Variants in POU2F1 observed in about 807,000 individuals in gnomAD.
POU2F1 encodes POU class 2 homeobox 1.
POU2F1 carries 16 observed loss-of-function variants against 84.9 expected under a neutral mutation model. That is an observed-to-expected ratio of 0.19 (90% CI 0.13 to 0.29). The LOEUF (loss-of-function observed/expected upper bound fraction) is 0.29, where lower values mean the gene tolerates loss of function less well. Among genes scored for constraint, POU2F1 ranks in the 10% least tolerant of loss-of-function variants. The pLI is 1.00. For synonymous variants in POU2F1, 368 were observed against 368.3 expected, an observed-to-expected ratio of 1.00 and a Z score of 0.01; for missense variants, 738 against 942.6, an observed-to-expected ratio of 0.78 and a Z score of 2.84.
At chr1:167,371,017 T>C (rs996353361) in intron 4 of POU2F1, among the ~76,000 whole-genome samples, 1 of 152,220 alleles carries the variant, frequency 6.6e-6, no homozygotes, top group African/African-American at 2.4e-5. Flanking sequence ...TCAGTGTTGC[T>C]AATGACTAAA....
intron 8 of POU2F1, among the ~76,000 whole-genome samples, chr1:167,384,725 AAAG>A (rs1007757091): frequency 1.5e-4 from 23 of 152,188 alleles, no homozygotes; most frequent in African/African-American, 5.3e-4. Flanking sequence ...AAGAAAAAAA[AAAG>A]AAAAGAAAAA....
At chr1:167,288,968 A>G (rs530256490) in intron 1 of POU2F1, among the ~76,000 whole-genome samples, 1 of 152,366 alleles carries the variant, frequency 6.6e-6, no homozygotes, top group East Asian at 1.9e-4. Context: ...TTAAATGGCC[A>G]AGAACATCAC....
chr1:167,239,838 C>CA (rs1175877932), intron 1 of POU2F1, among the ~76,000 whole-genome samples: 1 of 151,200 alleles, frequency 6.6e-6, no homozygotes, highest in Admixed American at 6.6e-5. Context: ...ACACCGTACA[C>CA]AAAAAAGAAT....
At chr1:167,243,534 G>C (rs1650070859) in intron 1 of POU2F1, among the ~76,000 whole-genome samples, 4 of 152,004 alleles carry the variant, frequency 2.6e-5, no homozygotes, top group Non-Finnish European at 5.9e-5. Flanking sequence ...GGAGTGCAGT[G>C]GCGTGATCTT....
intron 1 of POU2F1, among the ~76,000 whole-genome samples, chr1:167,297,949 G>A (rs1016750137): frequency 4.0e-5 from 6 of 151,626 alleles, no homozygotes; most frequent in East Asian, 3.9e-4. Context: ...GTGAAACCCC[G>A]TCTCTACTAA....
chr1:167,381,864 C>T (rs1198185958), intron 7 of POU2F1, among the ~76,000 whole-genome samples: 1 of 152,012 alleles, frequency 6.6e-6, no homozygotes, highest in East Asian at 1.9e-4. Flanking sequence ...CCTGCCTCGG[C>T]CTCCCAAAGT....
intron 1 of POU2F1, among the ~76,000 whole-genome samples, chr1:167,285,279 A>G (rs1415065696): frequency 1.3e-5 from 2 of 152,224 alleles, no homozygotes; most frequent in African/African-American, 4.8e-5. Flanking sequence ...TTACCCGGTA[A>G]AAAATGGCGA....
intron 2 of POU2F1, among the ~76,000 whole-genome samples, chr1:167,337,241 A>T (rs1262324557): frequency 6.6e-6 from 1 of 150,802 alleles, no homozygotes; most frequent in Non-Finnish European, 1.5e-5. Context: ...TGGAAGAATC[A>T]CCTGAGCTTG....
At chr1:167,407,134 A>G (rs1280660789) in intron 13 of POU2F1, among the ~76,000 whole-genome samples, 1 of 152,036 alleles carries the variant, frequency 6.6e-6, no homozygotes, top group Admixed American at 6.6e-5. Flanking sequence ...AGGCTCAAGC[A>G]GTCCTCCCAC....
chr1:167,362,593 C>T (rs1441458905), intron 2 of POU2F1, among the ~76,000 whole-genome samples: 2 of 152,186 alleles, frequency 1.3e-5, no homozygotes, highest in African/African-American at 4.8e-5. Context: ...CTGGTTGCAG[C>T]CTCGAGCTCC....
chr1:167,412,165 A>G lies in POU2F1; in HGVS notation c.1762A>G (p.Thr588Ala). ...TCTTGGGACCAGCCAGGTGATGGTG[A>G]CAGCATCAGGTTTGCAAACAGCAGC... is the stretch of plus-strand genomic sequence containing the variant. ...SPLGTSQVMV[T>A]ASGLQTAAAA... The change falls in exon 14 of 16, where the codon ACA (threonine) becomes GCA (alanine). Residue 588 changes from threonine (T) to alanine (A), a missense_variant. Transcript: ENST00000367866. 6.2e-7 allele frequency: 1 copy of G among 1,614,174 alleles called. No homozygotes were observed. The highest frequency in any genetic ancestry group is 8.5e-7 in the Non-Finnish European group (1 of 1,180,010).
chr1:167,379,646 G>C (rs2101869161), intron 7 of POU2F1: 1 of 152,328 alleles, frequency 6.6e-6, no homozygotes, highest in South Asian at 2.1e-4. Flanking sequence ...AAAATGCCAA[G>C]AGGGAAGGAG....
chr1:167,398,415 G>C (rs575497445), intron 11 of POU2F1, among the ~76,000 whole-genome samples: 18 of 152,208 alleles, frequency 1.2e-4, no homozygotes, highest in African/African-American at 3.6e-4. Flanking sequence ...TAGAAAAGGT[G>C]GGGGGAAAGT....
chr1:167,338,735 T>C (rs2101748180), intron 2 of POU2F1, among the ~76,000 whole-genome samples: 1 of 152,368 alleles, frequency 6.6e-6, no homozygotes, highest in Admixed American at 6.5e-5. Flanking sequence ...TATTCCGTAT[T>C]GTAGCATGTA....
chr1:167,343,202 C>T (rs757854353), intron 2 of POU2F1, among the ~76,000 whole-genome samples: 34 of 151,878 alleles, frequency 2.2e-4, no homozygotes, highest in Non-Finnish European at 4.7e-4. Context: ...TGAAGCTGTG[C>T]GAATAGGAAG....
intron 1 of POU2F1, among the ~76,000 whole-genome samples, chr1:167,224,546 A>C (rs1046644527): frequency 2.6e-5 from 4 of 152,214 alleles, no homozygotes; most frequent in African/African-American, 9.6e-5. Context: ...AAATTGTTCC[A>C]TTGCAACAGT....
At chr1:167,290,006 T>C (rs1172033221) in intron 1 of POU2F1, among the ~76,000 whole-genome samples, 3 of 152,182 alleles carry the variant, frequency 2.0e-5, no homozygotes, top group Admixed American at 1.3e-4. Context: ...TGTTATACAG[T>C]TTAAGCACTT....
chr1:167,412,888 A>G (rs943819295), intron 14 of POU2F1, 138 bp from the exon 15 acceptor site: 4 of 675,356 alleles, frequency 5.9e-6, no homozygotes, highest in South Asian at 1.9e-5. Flanking sequence ...AGCACAAACC[A>G]TAGAAGAGTA....
intron 12 of POU2F1, 28 bp downstream of exon 12, chr1:167,399,393 C>T (rs992401841): frequency 6.4e-7 from 1 of 1,565,898 alleles, no homozygotes; most frequent in Non-Finnish European, 8.7e-7. Flanking sequence ...GGAGTGCAAG[C>T]TCAAGGGCTA....
Sources: allele counts gnomAD v4.1 joint callset (sites outside exome capture counted in the v4.1 genomes callset), GRCh38; gene constraint gnomAD v4.1.1; transcripts MANE v1.5; gene names NCBI Gene and HGNC (gene_info 2026-07-23, HGNC 2026-07-21).